Variants in ABCB5 observed in about 807,000 individuals in gnomAD.
The protein encoded by ABCB5 is ATP-binding cassette sub-family B member 5.
ABCB5 carries 155 observed loss-of-function variants against 144.2 expected under a neutral mutation model. The ratio of observed to expected loss-of-function variants is 1.08; its 90% CI spans 0.94 to 1.23. ABCB5 has a LOEUF of 1.23. ABCB5 is among the 50% of genes most tolerant of loss of function. The pLI is 0.00. For missense variants in ABCB5, 1,830 were observed against 1,520.8 expected (o/e 1.20, Z -3.38); for synonymous variants, 610 against 528.6 (o/e 1.15, Z -2.11).
chr7:20,665,768 G>GATAGATAGAGATAC (rs1562549609), intron 14 of ABCB5, among the ~76,000 whole-genome samples: 1,729 of 125,298 alleles, frequency 0.014, 22 homozygotes, highest in South Asian at 0.023. Flanking sequence ...GATAGATAGA[G>GATAGATAGAGATAC]ATACATACAT....
Position 20,755,536 on chromosome 7 carries a change from G to T in ABCB5, c.3686G>T (p.Gly1229Val). 1 of 1,614,164 alleles carries T rather than the reference G, an allele frequency of 6.2e-7. No homozygotes were observed. The highest frequency in any genetic ancestry group is 8.5e-7 in the Non-Finnish European group (1 of 1,180,038). ...GATTTGATAGTGGTTCTGCACAATG[G>T]AAAGATAAAGGAACAAGGAACTCAT... ...NADLIVVLHNGKIKEQGTHQE... is the reference protein window; with the variant it reads ...NADLIVVLHNVKIKEQGTHQE... Residue 1229 changes from glycine to valine, a missense_variant, in exon 28 of 28, where the codon GGA (glycine) becomes GTA (valine). Physicochemically the swap from Gly to Val is moderately radical, Grantham distance 109. Coordinates refer to ENST00000404938, the MANE Select transcript of ABCB5 (RefSeq NM_001163941.2).
chr7:20,659,257 G>C (rs564243796), intron 14 of ABCB5: 4 of 1,512,764 alleles, frequency 2.6e-6, no homozygotes, highest in Admixed American at 4.2e-5. Flanking sequence ...TCTAGGAGGG[G>C]AGTTGGCAGT....
At chr7:20,737,282 C>T (rs923955343) in intron 23 of ABCB5, among the ~76,000 whole-genome samples, 39 of 152,158 alleles carry the variant, frequency 2.6e-4, no homozygotes, top group African/African-American at 9.2e-4. Context: ...GCCCCCATCC[C>T]ACTTACGTTT....
At chr7:20,696,640 T>C (rs1786424854) in intron 16 of ABCB5, among the ~76,000 whole-genome samples, 1 of 152,112 alleles carries the variant, frequency 6.6e-6, no homozygotes, top group Admixed American at 6.6e-5. Context: ...ATTTAGAATA[T>C]TTTAGATATC....
chr7:20,651,646 G>A (rs1784597633), intron 13 of ABCB5, 23 bp downstream of exon 13: 1 of 1,611,440 alleles, frequency 6.2e-7, no homozygotes, highest in Non-Finnish European at 8.5e-7. Context: ...TGCAGCCTGT[G>A]TCCTTAGCTT....
chr7:20,643,404 C>A (rs777577873), intron 6 of ABCB5, 29 bp downstream of exon 6: 3 of 1,613,190 alleles, frequency 1.9e-6, no homozygotes. Context: ...AGTACGTTAG[C>A]TTTGTTTTCA....
intron 11 of ABCB5, among the ~76,000 whole-genome samples, chr7:20,648,775 A>G (rs1480040245): frequency 6.6e-6 from 1 of 152,234 alleles, no homozygotes; most frequent in Non-Finnish European, 1.5e-5. Flanking sequence ...CAGAATTTGT[A>G]TAAAGACCTA....
At chr7:20,647,198 G>C (rs1447208613) in intron 9 of ABCB5, 1 of 794,166 alleles carries the variant, frequency 1.3e-6, no homozygotes, top group African/African-American at 1.9e-5. Flanking sequence ...ACTCACCATG[G>C]GGTTTATACA....
At chr7:20,729,599 T>C (rs1782144602) in intron 23 of ABCB5, among the ~76,000 whole-genome samples, 1 of 152,186 alleles carries the variant, frequency 6.6e-6, no homozygotes, top group Admixed American at 6.5e-5. Context: ...ATTAGAAAAA[T>C]TAATTTTGAG....
chr7:20,739,088 G>T lies in ABCB5; in HGVS notation c.2973G>T (p.Leu991Phe), dbSNP rs1488744151. The change falls in exon 24 of 28, where the codon TTG becomes TTT. Residue 991 changes from leucine to phenylalanine, a missense_variant. Leu to Phe is a conservative substitution (Grantham distance 22, BLOSUM62 0). Transcript: ENST00000404938. ...AKSGAAHLFA[L>F]LEKKPNIDSR... Reference sequence around the variant, plus strand: ...CGGGGGCTGCGCATCTGTTTGCCTTGTTGGAAAAGAAACCAAATATAGACA... The same window carrying T: ...CGGGGGCTGCGCATCTGTTTGCCTTTTTGGAAAAGAAACCAAATATAGACA... The T allele has an allele frequency of 2.5e-6, 4 of 1,610,234 alleles. No homozygotes were observed. The highest frequency in any genetic ancestry group is 3.4e-6 in the Non-Finnish European group (4 of 1,178,336).
chr7:20,689,949 G>A (rs1786157799), intron 16 of ABCB5, among the ~76,000 whole-genome samples: 1 of 152,194 alleles, frequency 6.6e-6, no homozygotes, highest in African/African-American at 2.4e-5. Context: ...ACAGGGGTAG[G>A]CAGAGAGGCG....
At chr7:20,667,728 C>T (rs28541609) in intron 14 of ABCB5, among the ~76,000 whole-genome samples, 11 of 72,858 alleles carry the variant, frequency 1.5e-4, no homozygotes, top group African/African-American at 2.4e-4. Context: ...TGCCCCTGCC[C>T]CTGCCTCTGC....
chr7:20,729,666 C>T (rs937183500), intron 23 of ABCB5, among the ~76,000 whole-genome samples: 9 of 152,184 alleles, frequency 5.9e-5, no homozygotes, highest in African/African-American at 9.7e-5. Context: ...CCATCATAAA[C>T]GTCATTGCTA....
intron 20 of ABCB5, 106 bp from the exon 21 acceptor site, chr7:20,722,910 A>C: frequency 1.2e-6 from 1 of 865,806 alleles, no homozygotes; most frequent in Non-Finnish European, 1.8e-6. Flanking sequence ...TTAAGTATAA[A>C]TTCTTTTTTT....
At chr7:20,718,035 G>A (rs1292548212) in intron 20 of ABCB5, among the ~76,000 whole-genome samples, 1 of 149,816 alleles carries the variant, frequency 6.7e-6, no homozygotes, top group Non-Finnish European at 1.5e-5. Flanking sequence ...CTGAGTAGCT[G>A]GGACTACAGG....
chr7:20,711,357 C>T (rs1173445740), intron 20 of ABCB5, among the ~76,000 whole-genome samples: 1 of 149,286 alleles, frequency 6.7e-6, no homozygotes, highest in Admixed American at 6.7e-5. Context: ...CTAATTATTT[C>T]AGGTTTTTTA....
chr7:20,722,698 T>C (rs1482915483), intron 20 of ABCB5, among the ~76,000 whole-genome samples: 1 of 152,094 alleles, frequency 6.6e-6, no homozygotes, highest in Non-Finnish European at 1.5e-5. Context: ...GGCGGTTGCC[T>C]GTAATCCCAG....
At chr7:20,665,043 C>A (rs184975418) in intron 14 of ABCB5, among the ~76,000 whole-genome samples, 1 of 152,124 alleles carries the variant, frequency 6.6e-6, no homozygotes, top group African/African-American at 2.4e-5. Context: ...TTAGAAGTGA[C>A]AATGAAGAGA....
intron 23 of ABCB5, 95 bp from the exon 24 acceptor site, chr7:20,738,888 A>C: frequency 1.5e-6 from 2 of 1,357,612 alleles, no homozygotes; most frequent in Non-Finnish European, 2.0e-6. Flanking sequence ...TCAAAAGATT[A>C]TATTCCTGTG....
Sources: gnomAD v4.1 joint callset for allele counts (sites outside exome capture counted in the v4.1 genomes callset) on GRCh38, gnomAD v4.1.1 for gene constraint, MANE v1.5 for transcripts, NCBI Gene and HGNC (gene_info 2026-07-23, HGNC 2026-07-21) for gene names.